Variants in NRBP1 observed in about 807,000 individuals in gnomAD.
The protein encoded by NRBP1 is nuclear receptor binding protein 1, also known as nuclear receptor-binding protein.
Under a neutral mutation model 76.0 loss-of-function variants are expected in NRBP1, and 10 were observed. The observed-to-expected ratio is 0.13, with a 90% CI of 0.08 to 0.22. The LOEUF is 0.22. Ranked by LOEUF, NRBP1 falls within the 10% of genes least tolerant of loss-of-function variation. The probability of loss-of-function intolerance (pLI) is 1.00; values close to 1 mark genes in which losing one functional copy is unlikely to be tolerated. For synonymous variants in NRBP1, 235 were observed against 240.2 expected (o/e 0.98, Z 0.20); for missense variants, 344 against 646.0 (o/e 0.53, Z 5.07).
chr2:27,439,313 G>A (rs1222630139), intron 10 of NRBP1, among the ~76,000 whole-genome samples: 1 of 151,642 alleles, frequency 6.6e-6, no homozygotes, highest in African/African-American at 2.4e-5. Context: ...TGGTGAAACC[G>A]TCTCTACTGA....
At chr2:27,436,041 A>G in intron 7 of NRBP1, 1 of 535,230 alleles carries the variant, frequency 1.9e-6, no homozygotes, top group Non-Finnish European at 3.4e-6. Context: ...ACTTGTAGTC[A>G]TTGTTTATGA....
chr2:27,436,515 CT>C (rs1313870693), intron 7 of NRBP1: 1 of 505,898 alleles, frequency 2.0e-6, no homozygotes, highest in African/African-American at 1.9e-5. Flanking sequence ...TAGTCTGGTG[CT>C]TTTGTTGCTC....
chr2:27,435,290 A>G, intron 7 of NRBP1, 63 bp downstream of exon 7: 1 of 1,395,386 alleles, frequency 7.2e-7, no homozygotes, highest in Middle Eastern at 1.8e-4. Flanking sequence ...TGGGGGTAAG[A>G]TGAAAGGAAT....
At chr2:27,436,502 ATT>A (rs1664313506) in intron 7 of NRBP1, 1 of 485,950 alleles carries the variant, frequency 2.1e-6, no homozygotes, top group Non-Finnish European at 3.7e-6. Flanking sequence ...GTATCTGTTA[ATT>A]TAGTCTGGTG....
intron 9 of NRBP1, 52 bp from the exon 10 acceptor site, chr2:27,437,210 A>T: frequency 6.4e-7 from 1 of 1,571,928 alleles, no homozygotes; most frequent in Non-Finnish European, 8.7e-7. Flanking sequence ...TGATTGTGGG[A>T]GCACTGAAGT....
At chr2:27,434,236 C>G in intron 4 of NRBP1, 146 bp downstream of exon 4, 1 of 746,112 alleles carries the variant, frequency 1.3e-6, no homozygotes, top group Non-Finnish European at 2.2e-6. Context: ...AGTAGGGCTT[C>G]AGTTGTCACC....
chr2:27,428,463 G>A (rs1010158912), upstream of NRBP1: 7 of 392,458 alleles, frequency 1.8e-5, no homozygotes, highest in African/African-American at 4.1e-5. Context: ...CCCTCCGAGA[G>A]GTCTCGGCCG....
chr2:27,428,820 C>T (rs980807107), intron 1 of NRBP1, 89 bp downstream of exon 1: 2 of 397,960 alleles, frequency 5.0e-6, no homozygotes, highest in African/African-American at 2.1e-5. Flanking sequence ...CGGTGGGACC[C>T]GCCAGTCGGG....
In NRBP1 at chr2:27,441,560, T is replaced by C; in HGVS notation, c.1448-7T>C. 1 of 1,614,086 alleles carries C rather than the reference T, an allele frequency of 6.2e-7. No homozygotes were observed. Among genetic ancestry groups the C allele is most frequent in the African/African-American group, 1.3e-5 (1 of 75,014 alleles). On this transcript the variant is annotated splice_polypyrimidine_tract_variant and splice_region_variant and intron_variant, in intron 16 of 17. Coordinates refer to ENST00000379852, the MANE Select transcript of NRBP1 (RefSeq NM_013392.4). ...ACTGTACTCACCCCCTCCTGTTTCT[T>C]TGTCAGATGAGAATATCCCCGAGTT...
chr2:27,440,632 CTTTCTCT>C lies in NRBP1; in HGVS notation c.1143-13_1143-7del, dbSNP rs761471755. 15 of 1,613,938 alleles carry C rather than the reference CTTTCTCT, an allele frequency of 9.3e-6. No homozygotes were observed. Among genetic ancestry groups the C allele is most frequent in the Admixed American group, 6.7e-5 (4 of 59,994 alleles). ...TTGCTTGTTTCTTTCCTTCCATCTC[CTTTCTCT>C]TTTCTCGTCCAGGTACTCTCAGTCA... On this transcript the variant is annotated splice_polypyrimidine_tract_variant and intron_variant, in intron 12 of 17. Transcript: ENST00000379852.
Position 27,435,158 on chromosome 2 carries a change from A to G in NRBP1, c.592A>G (p.Ile198Val), listed in dbSNP as rs1455394018. 1.2e-6 allele frequency: 2 copies of G among 1,613,440 alleles called. No homozygotes were observed. The highest frequency in any genetic ancestry group is 1.7e-5 in the Admixed American group (1 of 59,948). The change falls in exon 7 of 18, where the codon ATC (isoleucine) becomes GTC (valine). Residue 198 changes from isoleucine to valine, a missense_variant. By Grantham distance (29) the Ile-to-Val change is conservative (BLOSUM62 3). Around this residue, in one of 3 missense-constraint regions of NRBP1, gnomAD observed 73 missense variants for 287.8 expected, o/e 0.25. Coordinates refer to ENST00000379852, the MANE Select transcript of NRBP1 (RefSeq NM_013392.4). Reference sequence around the variant, plus strand: ...CTACCTGCACTCCTGTGACCCCCCCATCATCCATGGGAACCTGACCTGTGA... The same window carrying G: ...CTACCTGCACTCCTGTGACCCCCCCGTCATCCATGGGAACCTGACCTGTGA... The part of the protein sequence containing the change: ...LSYLHSCDPP[I>V]IHGNLTCDTI...
chr2:27,437,003 C>A, intron 8 of NRBP1, 44 bp from the exon 9 acceptor site: 2 of 1,582,126 alleles, frequency 1.3e-6, no homozygotes, highest in South Asian at 2.2e-5. Flanking sequence ...CCAACCCTAG[C>A]CCCCAATCCT....
At chr2:27,437,440 ATATGCTC>A in intron 10 of NRBP1, 80 bp downstream of exon 10, 15 of 1,016,358 alleles carry the variant, frequency 1.5e-5, no homozygotes, top group Non-Finnish European at 2.1e-5. Context: ...CCCACTGGGT[ATATGCTC>A]CTAAGAGCTA....
chr2:27,441,097 C>T (rs1414226968), intron 14 of NRBP1, 30 bp from the exon 15 acceptor site: 2 of 1,612,352 alleles, frequency 1.2e-6, no homozygotes, highest in Non-Finnish European at 1.7e-6. Context: ...ATGGACAGGT[C>T]TCTAGAGTGA....
At chr2:27,435,878 C>T (rs1558336383) in intron 7 of NRBP1, 2 of 694,108 alleles carry the variant, frequency 2.9e-6, no homozygotes, top group Admixed American at 2.0e-5. Flanking sequence ...GCCTGCTTAG[C>T]TTCTGCCCTG....
In NRBP1 at chr2:27,441,151, G is replaced by C; in HGVS notation, c.1354G>C (p.Glu452Gln). 6.2e-7 allele frequency: 1 copy of C among 1,613,938 alleles called. No homozygotes were observed. Among genetic ancestry groups the C allele is most frequent in the Non-Finnish European group, 8.5e-7 (1 of 1,180,026 alleles). ...RKVVLMQCNIESVEEGVKHHL... is the reference protein window; with the variant it reads ...RKVVLMQCNIQSVEEGVKHHL... ...GGTGGTGCTGATGCAGTGCAACATT[G>C]AGTCGGTGGAGGAGGGAGTCAAACA... Residue 452 changes from glutamate to glutamine, a missense_variant, in exon 15 of 18, where the codon GAG (glutamate) becomes CAG (glutamine). Glu to Gln is a conservative substitution (Grantham distance 29). Around this residue, in one of 3 missense-constraint regions of NRBP1, gnomAD observed 218 missense variants for 309.8 expected, o/e 0.70. Transcript: ENST00000379852.
At chr2:27,438,306 T>C (rs1285762270) in intron 10 of NRBP1, among the ~76,000 whole-genome samples, 1 of 152,256 alleles carries the variant, frequency 6.6e-6, no homozygotes, top group African/African-American at 2.4e-5. Context: ...ATCAGTCAAT[T>C]TAAATTAAAC....
In NRBP1 at chr2:27,437,126, G is replaced by T. The variant is rs199831630; in HGVS notation, c.804+21G>T. The T allele has an allele frequency of 2.1e-3, 3,341 of 1,609,722 alleles. 9 individuals are homozygous for T. Among genetic ancestry groups the T allele is most frequent in the Non-Finnish European group, 2.5e-3 (2,969 of 1,176,078 alleles). The stretch of plus-strand genomic sequence containing the variant: ...TGGAGGTGAGGGGACTGGAGGGGAG[G>T]GGGGAAAGGGGTCAGATGAGAAGAT... On this transcript the variant is annotated intron_variant, in intron 9 of 17. Coordinates refer to ENST00000379852, the MANE Select transcript of NRBP1 (RefSeq NM_013392.4).
rs1156492602 is a variant in NRBP1, at chr2:27,428,705, G to A, written c.-47G>A. 2.5e-6 allele frequency: 1 copy of A among 398,248 alleles called. No individual in the cohort carries two copies. Among genetic ancestry groups the A allele is most frequent in the Non-Finnish European group, 4.4e-6 (1 of 225,790 alleles). 24.7% of individuals were successfully genotyped at this position (398,248 alleles called of 1,614,324 possible). Reference sequence around the variant, plus strand: ...CCGGAACCCGAGCTGGAGCTGAAGCGCAGGCTGCGGGGCGCGGAGTCGGGA... The same window carrying A: ...CCGGAACCCGAGCTGGAGCTGAAGCACAGGCTGCGGGGCGCGGAGTCGGGA... On this transcript the variant is annotated 5_prime_UTR_variant, in exon 1 of 18. Transcript: ENST00000379852.
Sources: allele counts gnomAD v4.1 joint callset (sites outside exome capture counted in the v4.1 genomes callset), GRCh38; gene constraint gnomAD v4.1.1; regional missense constraint gnomAD v4.1.1; transcripts MANE v1.5; gene names NCBI Gene and HGNC (gene_info 2026-07-23, HGNC 2026-07-21).